The following DNAJC13 variants were observed in gnomAD, a reference collection of about 807,000 sequenced individuals.
DNAJC13 encodes DnaJ heat shock protein family (Hsp40) member C13, also known as dnaJ homolog subfamily C member 13.
DNAJC13 carries 75 observed loss-of-function variants against 290.5 expected under a neutral mutation model. That is an observed-to-expected ratio of 0.26 (90% CI 0.21 to 0.31). The LOEUF (loss-of-function observed/expected upper bound fraction) is 0.31. Among genes scored for constraint, DNAJC13 ranks in the 10% least tolerant of loss-of-function variants. The pLI is 1.00. For synonymous variants in DNAJC13, 862 were observed against 892.0 expected, an observed-to-expected ratio of 0.97 and a Z score of 0.60; for missense variants, 2,260 against 2,674.5, an observed-to-expected ratio of 0.85 and a Z score of 3.42.
At chr3:132,495,408 CTGTT>C (rs1007384610) in intron 35 of DNAJC13, among the ~76,000 whole-genome samples, 1 of 152,124 alleles carries the variant, frequency 6.6e-6, no homozygotes, top group Non-Finnish European at 1.5e-5. Flanking sequence ...TTATCCATGT[CTGTT>C]TGAGAATTAA....
At chr3:132,455,029 G>T (rs1230150345) in intron 9 of DNAJC13, among the ~76,000 whole-genome samples, 3 of 152,118 alleles carry the variant, frequency 2.0e-5, no homozygotes, top group Non-Finnish European at 2.9e-5. Flanking sequence ...AAAAAAGGTT[G>T]TTAGTTAGAC....
intron 29 of DNAJC13, 40 bp from the exon 30 acceptor site, chr3:132,488,258 T>G (rs1003304510): frequency 3.2e-6 from 5 of 1,540,878 alleles, no homozygotes; most frequent in Non-Finnish European, 3.5e-6. Context: ...ATGATGCAGG[T>G]TTTTTACAAC....
intron 39 of DNAJC13, among the ~76,000 whole-genome samples, chr3:132,501,522 C>T (rs1174392259): frequency 1.3e-5 from 2 of 151,476 alleles, no homozygotes; most frequent in South Asian, 2.1e-4. Context: ...TCAGAGGTAG[C>T]CTGTGCCACT....
In DNAJC13 at chr3:132,507,259, G is replaced by T. The variant is rs1395608122; in HGVS notation, c.5021G>T (p.Gly1674Val). 6.2e-7 allele frequency: 1 copy of T among 1,611,476 alleles called. No homozygotes were observed. Among genetic ancestry groups the T allele is most frequent in the African/African-American group, 1.3e-5 (1 of 74,818 alleles). Reference sequence around the variant, plus strand: ...AAGGGTGATTGTGACAAAACTTATGGATCAGAATTTGTCTACAGTGATCAT... The same window carrying T: ...AAGGGTGATTGTGACAAAACTTATGTATCAGAATTTGTCTACAGTGATCAT... ...IKKGDCDKTY[G>V]SEFVYSDHAK... Residue 1674 changes from glycine to valine, a missense_variant, in exon 43 of 56, where the codon GGA becomes GTA. Physicochemically the swap from Gly to Val is moderately radical, Grantham distance 109. Around this residue, in one of 3 missense-constraint regions of DNAJC13, gnomAD observed 1,494 missense variants for 1,693.7 expected, o/e 0.88. Transcript: ENST00000260818.
At chr3:132,431,241 C>T (rs1939230562) in intron 1 of DNAJC13, among the ~76,000 whole-genome samples, 1 of 152,092 alleles carries the variant, frequency 6.6e-6, no homozygotes, top group African/African-American at 2.4e-5. Context: ...CAATAGTGAG[C>T]TGAACAGACA....
At position 132,455,004 on chromosome 3, in the gene DNAJC13, A is replaced by G. The variant is rs60799843; in HGVS notation, c.932+847A>G. 9.1e-3 allele frequency among the ~76,000 whole-genome samples: 1,388 copies of G among 152,336 alleles called. 13 individuals are homozygous for G. Among genetic ancestry groups the G allele is most frequent in the African/African-American group, 0.031 (1,306 of 41,556 alleles). On this transcript the variant is annotated intron_variant, in intron 9 of 55. Coordinates refer to ENST00000260818, the MANE Select transcript of DNAJC13 (RefSeq NM_015268.4). ...TTTCCCAGATGTAATACCAAAAACAATCTAGAAAAGAAGAAAAAAAGGTTG... is the reference window on the plus strand; with the variant it reads ...TTTCCCAGATGTAATACCAAAAACAGTCTAGAAAAGAAGAAAAAAAGGTTG...
chr3:132,465,171 AT>A (rs1933933804), intron 17 of DNAJC13, among the ~76,000 whole-genome samples: 1 of 152,118 alleles, frequency 6.6e-6, no homozygotes. Flanking sequence ...GACAAAGTAT[AT>A]TTTGGGTTTT....
chr3:132,478,630 C>T (rs1484323487), intron 24 of DNAJC13, among the ~76,000 whole-genome samples: 5 of 152,092 alleles, frequency 3.3e-5, no homozygotes, highest in African/African-American at 9.7e-5. Flanking sequence ...AATTAGTGGA[C>T]GTGGTGGCAT....
intron 3 of DNAJC13, 115 bp from the exon 4 acceptor site, chr3:132,447,206 C>CT (rs1933274966): frequency 1.1e-6 from 1 of 919,950 alleles, no homozygotes; most frequent in Non-Finnish European, 1.5e-6. Flanking sequence ...TTTCTAGACT[C>CT]TATTTTATAA....
chr3:132,525,774 C>T lies in DNAJC13; in HGVS notation c.6225C>T (p.Ala2075=). ...IPKSAIRVIH[A]LSENELCVRA... is the part of the protein sequence containing the mutation. ...AGAGTGCCATTCGGGTTATCCATGC[C>T]TTGTCTGAAAATGAGGTATTGATGA... Residue 2075 remains alanine, a synonymous_variant, in exon 52 of 56, where the codon GCC becomes GCT. Transcript: ENST00000260818. 6.2e-7 allele frequency: 1 copy of T among 1,613,890 alleles called. No homozygotes were observed. Among genetic ancestry groups the T allele is most frequent in the Non-Finnish European group, 8.5e-7 (1 of 1,179,928 alleles).
At position 132,467,240 on chromosome 3, in the gene DNAJC13, A is replaced by G. The variant is rs776302219; in HGVS notation, c.2135A>G (p.Glu712Gly). Residue 712 changes from glutamate to glycine, a missense_variant, in exon 20 of 56, where the codon GAA becomes GGA. Physicochemically the swap from Glu to Gly is moderately conservative, Grantham distance 98. Around this residue, in one of 3 missense-constraint regions of DNAJC13, gnomAD observed 762 missense variants for 964.1 expected, o/e 0.79. Transcript: ENST00000260818. The part of the protein sequence containing the change: ...RLAGKAAKEV[E>G]KFAKEKVDLV... ...GCTGGAAAAGCTGCTAAAGAAGTTG[A>G]AAAATTTGCCAAAGAAAAAGTGGAT... is the stretch of plus-strand genomic sequence containing the variant. 3 of 1,613,982 alleles carry G rather than the reference A, an allele frequency of 1.9e-6. No individual in the cohort carries two copies. The highest frequency in any genetic ancestry group is 1.7e-4 in the Middle Eastern group (1 of 6,060).
chr3:132,472,054 G>A lies in DNAJC13; in HGVS notation c.2209-1091G>A, dbSNP rs962784521. On this transcript the variant is annotated intron_variant, in intron 20 of 55. Transcript: ENST00000260818. ...GCGGTTAGGGGCTGGAGACCGGCCC[G>A]GCCAACACAGCGAAACCCCGTCTCC... Among the ~76,000 whole-genome samples the A allele has an allele frequency of 4.9e-4, 73 of 150,340 alleles. 1 individual carries two copies. In the East Asian group the frequency reaches 0.014, roughly 29 times the overall value.
intron 2 of DNAJC13, among the ~76,000 whole-genome samples, chr3:132,442,598 C>G (rs1933107627): frequency 6.6e-6 from 1 of 152,042 alleles, no homozygotes; most frequent in African/African-American, 2.4e-5. Flanking sequence ...TAAAATGCCC[C>G]ACAGATAAAG....
intron 46 of DNAJC13, chr3:132,514,925 A>T: frequency 2.9e-6 from 1 of 344,260 alleles, no homozygotes; most frequent in Middle Eastern, 8.8e-4. Flanking sequence ...GTTTGTTGAG[A>T]TCTACACATG....
rs531751388 is a variant in DNAJC13, at chr3:132,481,001, T to C, written c.2874+531T>C. 7.9e-5 allele frequency among the ~76,000 whole-genome samples: 12 copies of C among 152,360 alleles called. No individual in the cohort carries two copies. In the South Asian group the frequency reaches 1.5e-3, roughly 18 times the overall value. On this transcript the variant is annotated intron_variant, in intron 26 of 55. Transcript: ENST00000260818. The stretch of plus-strand genomic sequence containing the variant: ...ATTTAGTATATGATGTATTCTGTTA[T>C]ATACCATTACAACAGGTACTGTTCT...
chr3:132,443,966 C>A (rs1933160243), intron 2 of DNAJC13, among the ~76,000 whole-genome samples: 1 of 152,150 alleles, frequency 6.6e-6, no homozygotes, highest in South Asian at 2.1e-4. Flanking sequence ...AATTCAGTTG[C>A]CTTAGCCACA....
intron 41 of DNAJC13, among the ~76,000 whole-genome samples, chr3:132,504,420 C>T (rs561300968): frequency 5.3e-5 from 8 of 151,870 alleles, no homozygotes; most frequent in African/African-American, 1.9e-4. Flanking sequence ...TTTTGCTCAC[C>T]AATGTGATAC....
At chr3:132,517,743 C>T (rs1160293987) in intron 48 of DNAJC13, among the ~76,000 whole-genome samples, 1 of 152,020 alleles carries the variant, frequency 6.6e-6, no homozygotes, top group Admixed American at 6.6e-5. Context: ...CACATTGTGC[C>T]TCCATGTAAA....
chr3:132,477,846 C>T lies in DNAJC13; in HGVS notation c.2503C>T (p.Leu835=). The T allele has an allele frequency of 6.2e-7, 1 of 1,613,524 alleles. No homozygotes were observed. The highest frequency in any genetic ancestry group is 8.5e-7 in the Non-Finnish European group (1 of 1,179,742). The change falls in exon 23 of 56, where the codon CTA becomes TTA. Residue 835 remains leucine (L), a synonymous_variant. Coordinates refer to ENST00000260818, the MANE Select transcript of DNAJC13 (RefSeq NM_015268.4). ...IKIGDYYLRL[L]LEEDENEESG... ...AATAGGAGACTATTACCTGAGATTA[C>T]TATTGGAGGAAGATGAGAATGAAGA...
Sources: allele counts gnomAD v4.1 joint callset (sites outside exome capture counted in the v4.1 genomes callset), GRCh38; gene constraint gnomAD v4.1.1; regional missense constraint gnomAD v4.1.1; transcripts MANE v1.5; gene names NCBI Gene and HGNC (gene_info 2026-07-23, HGNC 2026-07-21).